Variants in BLTP1 observed in about 807,000 individuals in gnomAD.
BLTP1 encodes the protein bridge-like lipid transfer protein family member 1.
the BLTP1 span, chr4:122,243,165 T>G: frequency 8.1e-7 from 1 of 1,239,696 alleles, no homozygotes; most frequent in African/African-American, 1.5e-5. Context: ...GAGTATGAAC[T>G]TTATATTAAG....
chr4:122,276,532 A>G, the BLTP1 span: 1 of 984,172 alleles, frequency 1.0e-6, no homozygotes, highest in Non-Finnish European at 1.2e-6. Context: ...CATTCAATAG[A>G]TGAATGCTGT....
chr4:122,344,416 T>G, the BLTP1 span: 1 of 1,613,904 alleles, frequency 6.2e-7, no homozygotes, highest in Non-Finnish European at 8.5e-7. Flanking sequence ...CAGTCACTGG[T>G]CGAAAAGATT....
the BLTP1 span, among the ~76,000 whole-genome samples, chr4:122,326,972 C>T: frequency 1.3e-5 from 2 of 151,732 alleles, no homozygotes; most frequent in African/African-American, 2.4e-5. Context: ...GGAATAGCAG[C>T]ATCCAGTAGT....
chr4:122,185,560 C>A, the BLTP1 span: 1 of 477,752 alleles, frequency 2.1e-6, no homozygotes, highest in Non-Finnish European at 2.7e-6. Context: ...TTCATAAAAC[C>A]TATGTTTTAG....
chr4:122,273,362 T>G, the BLTP1 span: 12 of 984,826 alleles, frequency 1.2e-5, no homozygotes, highest in Non-Finnish European at 1.4e-5. Context: ...ACACACACGG[T>G]TCTCTGAAAA....
chr4:122,347,072 C>G, the BLTP1 span: 1 of 931,842 alleles, frequency 1.1e-6, no homozygotes, highest in Non-Finnish European at 1.3e-6. Context: ...TAAATTTATT[C>G]TATAATGATT....
the BLTP1 span, among the ~76,000 whole-genome samples, chr4:122,233,319 A>C: frequency 6.6e-6 from 1 of 152,224 alleles, no homozygotes; most frequent in Admixed American, 6.5e-5. Flanking sequence ...TTATGCCCAC[A>C]ATGATCTTTA....
chr4:122,339,367 A>G, the BLTP1 span: 3 of 1,613,274 alleles, frequency 1.9e-6, no homozygotes, highest in Non-Finnish European at 2.5e-6. Context: ...AATGCTACTC[A>G]GAGTGGAACA....
chr4:122,207,399 A>G, the BLTP1 span: 2 of 1,418,248 alleles, frequency 1.4e-6, no homozygotes, highest in Non-Finnish European at 1.9e-6. Flanking sequence ...TGAGACTCTC[A>G]GAAGACTGTT....
At chr4:122,275,630 A>C in the BLTP1 span, among the ~76,000 whole-genome samples, 1 of 152,292 alleles carries the variant, frequency 6.6e-6, no homozygotes, top group Middle Eastern at 3.4e-3. Context: ...TGCAAAACAT[A>C]ATGTTTATAG....
chr4:122,258,561 T>A, the BLTP1 span: 7 of 1,085,188 alleles, frequency 6.5e-6, no homozygotes, highest in Non-Finnish European at 1.3e-6. Flanking sequence ...GTGAGAGGAT[T>A]GGGGTGGGGG....
At chr4:122,172,341 C>T in the BLTP1 span, 2 of 722,846 alleles carry the variant, frequency 2.8e-6, no homozygotes, top group East Asian at 2.6e-4. Context: ...AATTGATTAT[C>T]AAAACAATGT....
At chr4:122,247,375 A>C in the BLTP1 span, 1 of 1,611,380 alleles carries the variant, frequency 6.2e-7, no homozygotes, top group Non-Finnish European at 8.5e-7. Context: ...TCTACAACAA[A>C]TATGTTTTTT....
At chr4:122,210,265 C>A in the BLTP1 span, among the ~76,000 whole-genome samples, 1 of 151,980 alleles carries the variant, frequency 6.6e-6, no homozygotes, top group Admixed American at 6.6e-5. Flanking sequence ...AGCAGCAGAG[C>A]CTGAATATGA....
At chr4:122,326,737 G>A in the BLTP1 span, among the ~76,000 whole-genome samples, 1 of 151,468 alleles carries the variant, frequency 6.6e-6, no homozygotes, top group Non-Finnish European at 1.5e-5. Flanking sequence ...TTATATAATA[G>A]CTATGAGATT....
the BLTP1 span, chr4:122,325,579 GT>G: frequency 8.6e-7 from 1 of 1,156,200 alleles, no homozygotes. Flanking sequence ...AAGTAGAAAG[GT>G]TTTTGTTGAA....
chr4:122,291,494 G>C, the BLTP1 span, among the ~76,000 whole-genome samples: 2 of 151,994 alleles, frequency 1.3e-5, no homozygotes, highest in Non-Finnish European at 2.9e-5. Flanking sequence ...ATCATGTTAC[G>C]TTTAGTGTTA....
chr4:122,238,098 T>C, the BLTP1 span: 1 of 1,613,908 alleles, frequency 6.2e-7, no homozygotes, highest in Non-Finnish European at 8.5e-7. Flanking sequence ...TTAGGTAATG[T>C]GAATGGCATG....
the BLTP1 span, among the ~76,000 whole-genome samples, chr4:122,251,930 C>G: frequency 6.6e-6 from 1 of 152,180 alleles, no homozygotes; most frequent in Non-Finnish European, 1.5e-5. Context: ...AGCTCTTCAC[C>G]TGAGCTCCAG....
Sources: gnomAD v4.1 joint callset for allele counts (sites outside exome capture counted in the v4.1 genomes callset) on GRCh38, gnomAD v4.1.1 for gene constraint, MANE v1.5 for transcripts, NCBI Gene and HGNC (gene_info 2026-07-23, HGNC 2026-07-21) for gene names.